The following KIF9 variants were observed in gnomAD, a reference collection of about 807,000 sequenced individuals.
KIF9 encodes kinesin-like protein KIF9.
KIF9 carries 68 observed loss-of-function variants against 94.8 expected under a neutral mutation model. That is an observed-to-expected ratio of 0.72 (90% confidence interval 0.59 to 0.88). The LOEUF is 0.88. Among genes scored for constraint, KIF9 ranks in the 40% least tolerant of loss-of-function variants. The pLI is 0.00. For synonymous variants in KIF9, 343 were observed against 362.1 expected, an observed-to-expected ratio of 0.95 and a Z score of 0.60; for missense variants, 882 against 982.5, an observed-to-expected ratio of 0.90 and a Z score of 1.37.
chr3:47,236,249 T>C, intron 18 of KIF9, 100 bp from the exon 19 acceptor site: 1 of 1,052,106 alleles, frequency 9.5e-7, no homozygotes. Flanking sequence ...GTTCACTTCC[T>C]GCTCCAAGGT....
chr3:47,282,068 A>AC, intron 1 of KIF9: 1 of 359,756 alleles, frequency 2.8e-6, no homozygotes, highest in South Asian at 1.1e-4. Flanking sequence ...AATGTGCCGG[A>AC]CCCCCGCGTG....
At chr3:47,253,007 C>T (rs1364896964) in intron 10 of KIF9, among the ~76,000 whole-genome samples, 2 of 151,682 alleles carry the variant, frequency 1.3e-5, no homozygotes, top group Non-Finnish European at 2.9e-5. Context: ...GGCGACAGAG[C>T]TAGACTCCAT....
intron 7 of KIF9, among the ~76,000 whole-genome samples, chr3:47,266,531 G>C (rs1701299830): frequency 1.3e-5 from 2 of 152,150 alleles, no homozygotes; most frequent in Admixed American, 1.3e-4. Context: ...TGTGGTCCCA[G>C]ATACTTGAGA....
At chr3:47,269,899 C>T (rs1167761737) in intron 5 of KIF9, among the ~76,000 whole-genome samples, 1 of 151,782 alleles carries the variant, frequency 6.6e-6, no homozygotes, top group Admixed American at 6.6e-5. Context: ...CCTAAGCCTC[C>T]TGAGTAGTTG....
intron 13 of KIF9, 91 bp from the exon 14 acceptor site, chr3:47,245,602 G>A: frequency 2.1e-6 from 2 of 931,642 alleles, no homozygotes; most frequent in Non-Finnish European, 1.8e-6. Flanking sequence ...AAAGTCATAT[G>A]GGTGAGGCCC....
chr3:47,264,144 T>C, intron 9 of KIF9, 142 bp downstream of exon 9: 1 of 677,228 alleles, frequency 1.5e-6, no homozygotes, highest in Non-Finnish European at 2.7e-6. Context: ...TCAGCAACTG[T>C]GGCTCAGACT....
chr3:47,235,520 T>G lies in KIF9; in HGVS notation c.2315A>C (p.Glu772Ala). Residue 772 changes from glutamate (E) to alanine (A), a missense_variant, in exon 20 of 21, where the codon GAG (glutamate) becomes GCG (alanine). Transcript: ENST00000684063. ...CATAGGCCTCTGAGTTACCTTCTGCTCTATCTTGACTTTGGCATTGTAGAA... is the reference window on the plus strand; with the variant it reads ...CATAGGCCTCTGAGTTACCTTCTGCGCTATCTTGACTTTGGCATTGTAGAA... ...ISFYNAKVKI[E>A]QKHNYLKTMM... 6.2e-7 allele frequency: 1 copy of G among 1,612,074 alleles called. No homozygotes were observed. The highest frequency in any genetic ancestry group is 8.5e-7 in the Non-Finnish European group (1 of 1,178,150).
chr3:47,239,863 A>T (rs1699336434), intron 17 of KIF9: 1 of 1,367,840 alleles, frequency 7.3e-7, no homozygotes, highest in Non-Finnish European at 9.8e-7. Flanking sequence ...GCTGGCCTGG[A>T]ACAGGGTTGT....
intron 16 of KIF9, among the ~76,000 whole-genome samples, chr3:47,241,649 G>GTGTGTGTGTGTA (rs1559427879): frequency 3.4e-5 from 5 of 147,518 alleles, no homozygotes; most frequent in African/African-American, 1.2e-4. Flanking sequence ...GTGTGTGTGT[G>GTGTGTGTGTGTA]TATATATATA....
chr3:47,239,548 T>C, intron 17 of KIF9: 1 of 1,094,720 alleles, frequency 9.1e-7, no homozygotes, highest in Non-Finnish European at 1.1e-6. Context: ...GCCCCAAGAA[T>C]TAGAAAATAA....
intron 10 of KIF9, among the ~76,000 whole-genome samples, chr3:47,251,489 G>A (rs545595869): frequency 3.7e-4 from 56 of 152,202 alleles, no homozygotes; most frequent in Non-Finnish European, 3.1e-4. Context: ...GCTTGAACCC[G>A]GGAGGCAGAG....
chr3:47,230,761 T>C (rs1454259697), intron 20 of KIF9, among the ~76,000 whole-genome samples: 1 of 146,286 alleles, frequency 6.8e-6, no homozygotes, highest in South Asian at 2.2e-4. Flanking sequence ...TTACCCAGGC[T>C]GGGCACAGTG....
At chr3:47,245,592 A>T in intron 13 of KIF9, 81 bp from the exon 14 acceptor site, 2 of 1,039,590 alleles carry the variant, frequency 1.9e-6, no homozygotes, top group Non-Finnish European at 3.0e-6. Flanking sequence ...ACTGGGGTTA[A>T]AAGTCATATG....
chr3:47,282,346 G>C, intron 1 of KIF9, 149 bp downstream of exon 1: 1 of 985,958 alleles, frequency 1.0e-6, no homozygotes, highest in African/African-American at 1.7e-5. Flanking sequence ...CCGCGACGTC[G>C]AGCCCTCCTT....
chr3:47,264,391 T>G, intron 8 of KIF9, 41 bp from the exon 9 acceptor site: 1 of 1,548,012 alleles, frequency 6.5e-7, no homozygotes. Flanking sequence ...AACCATGTGT[T>G]TTTTCTGCTC....
At chr3:47,255,549 G>T (rs1700518718) in intron 10 of KIF9, among the ~76,000 whole-genome samples, 2 of 152,130 alleles carry the variant, frequency 1.3e-5, no homozygotes, top group South Asian at 4.1e-4. Flanking sequence ...AGACTGGGGA[G>T]GGAGTGGAGC....
intron 5 of KIF9, 64 bp from the exon 6 acceptor site, chr3:47,267,327 T>C (rs1701351843): frequency 8.7e-7 from 1 of 1,154,004 alleles, no homozygotes; most frequent in African/African-American, 1.5e-5. Context: ...ACTTGGGTCA[T>C]TTTTCAATTA....
At chr3:47,243,449 T>A (rs1559431155) in intron 15 of KIF9, 1 of 440,360 alleles carries the variant, frequency 2.3e-6, no homozygotes, top group African/African-American at 2.0e-5. Flanking sequence ...TTTTTCTCCC[T>A]TTTATCAGAA....
At chr3:47,243,854 G>A (rs1559431598) in intron 15 of KIF9, 1 of 152,244 alleles carries the variant, frequency 6.6e-6, no homozygotes, top group Non-Finnish European at 1.5e-5. Flanking sequence ...TAGAAAATCT[G>A]TTTCTTCCTC....
Sources: allele counts gnomAD v4.1 joint callset (sites outside exome capture counted in the v4.1 genomes callset), GRCh38; gene constraint gnomAD v4.1.1; transcripts MANE v1.5; gene names NCBI Gene and HGNC (gene_info 2026-07-23, HGNC 2026-07-21).